PARD3B: variants seen among roughly 807,000 people sequenced by gnomAD.
PARD3B encodes partitioning defective 3 homolog B.
Under a neutral mutation model 130.2 loss-of-function variants are expected in PARD3B, and 103 were observed. The observed-to-expected ratio is 0.79, with a 90% CI of 0.67 to 0.93. The LOEUF (loss-of-function observed/expected upper bound fraction) is 0.93. Among genes scored for constraint, PARD3B ranks in the 40% least tolerant of loss-of-function variants. The probability of loss-of-function intolerance (pLI) is 0.00; values close to 1 mark genes in which losing one functional copy is unlikely to be tolerated. For synonymous variants in PARD3B, 583 were observed against 553.2 expected, an observed-to-expected ratio of 1.05 and a Z score of -0.76; for missense variants, 1,609 against 1,499.2, an observed-to-expected ratio of 1.07 and a Z score of -1.21.
At chr2:204,823,208 G>T (rs1010855635) in intron 2 of PARD3B, among the ~76,000 whole-genome samples, 1 of 151,984 alleles carries the variant, frequency 6.6e-6, no homozygotes, top group Non-Finnish European at 1.5e-5. Flanking sequence ...AAAGAAAAAG[G>T]GTGTGTGTTA....
intron 15 of PARD3B, among the ~76,000 whole-genome samples, chr2:205,216,286 C>T (rs1018253005): frequency 6.6e-5 from 10 of 152,058 alleles, no homozygotes; most frequent in Non-Finnish European, 1.0e-4. Flanking sequence ...TGTGGAAGTA[C>T]GTGTTATGAT....
intron 2 of PARD3B, among the ~76,000 whole-genome samples, chr2:204,856,285 TTTG>T (rs2044935218): frequency 6.6e-6 from 1 of 152,180 alleles, no homozygotes; most frequent in Non-Finnish European, 1.5e-5. Context: ...TTTGTATTTC[TTTG>T]ATGATTAGAG....
chr2:204,645,306 AAAAT>A (rs1438234451), intron 1 of PARD3B, among the ~76,000 whole-genome samples: 1 of 152,186 alleles, frequency 6.6e-6, no homozygotes, highest in African/African-American at 2.4e-5. Context: ...GAAAAAGAGA[AAAAT>A]AAAGTGTGTC....
At chr2:204,663,134 C>T (rs934748419) in intron 1 of PARD3B, among the ~76,000 whole-genome samples, 4 of 152,134 alleles carry the variant, frequency 2.6e-5, no homozygotes, top group Non-Finnish European at 4.4e-5. Flanking sequence ...TAGACATGAG[C>T]TTAATCCAAG....
intron 3 of PARD3B, among the ~76,000 whole-genome samples, chr2:204,981,287 T>G (rs1472795827): frequency 6.6e-6 from 1 of 152,104 alleles, no homozygotes; most frequent in Non-Finnish European, 1.5e-5. Flanking sequence ...AGCATCCCTA[T>G]TCATATCAAT....
intron 13 of PARD3B, among the ~76,000 whole-genome samples, chr2:205,178,005 C>G (rs1400379236): frequency 6.6e-6 from 1 of 151,478 alleles, no homozygotes; most frequent in Non-Finnish European, 1.5e-5. Context: ...CTGAGAATGC[C>G]CATTAGAAGC....
At chr2:205,393,180 A>G (rs2045916760) in intron 18 of PARD3B, among the ~76,000 whole-genome samples, 1 of 152,238 alleles carries the variant, frequency 6.6e-6, no homozygotes, top group Non-Finnish European at 1.5e-5. Flanking sequence ...AACCCAATTT[A>G]GAATACATCT....
intron 18 of PARD3B, among the ~76,000 whole-genome samples, chr2:205,399,702 G>A (rs548045884): frequency 9.9e-4 from 151 of 152,232 alleles, no homozygotes; most frequent in African/African-American, 2.6e-3. Flanking sequence ...TTTCCTAAAA[G>A]TACAAAACAT....
intron 4 of PARD3B, among the ~76,000 whole-genome samples, chr2:205,071,774 T>C (rs1240727575): frequency 6.6e-6 from 1 of 152,228 alleles, no homozygotes; most frequent in Non-Finnish European, 1.5e-5. Context: ...AAATAAATTA[T>C]TGTTATCCAG....
chr2:205,320,406 G>C (rs981037671), intron 18 of PARD3B, among the ~76,000 whole-genome samples: 2 of 152,150 alleles, frequency 1.3e-5, no homozygotes, highest in African/African-American at 4.8e-5. Context: ...AGTGAGCTCT[G>C]CTCTTCAGTT....
chr2:205,074,498 GA>G (rs577287815), intron 4 of PARD3B, among the ~76,000 whole-genome samples: 2 of 152,270 alleles, frequency 1.3e-5, no homozygotes, highest in South Asian at 2.1e-4. Context: ...CATTCAGAAT[GA>G]ACAACAACTT....
intron 16 of PARD3B, among the ~76,000 whole-genome samples, chr2:205,266,015 G>C (rs1210127738): frequency 6.6e-6 from 1 of 152,018 alleles, no homozygotes; most frequent in Non-Finnish European, 1.5e-5. Context: ...ATACTAAAAA[G>C]TTAAAATGTT....
chr2:204,911,303 G>A (rs965968370), intron 2 of PARD3B, among the ~76,000 whole-genome samples: 22 of 152,256 alleles, frequency 1.4e-4, no homozygotes, highest in African/African-American at 5.1e-4. Context: ...AATTCAATAC[G>A]ATAATGCTGT....
chr2:205,216,695 G>A (rs2037928131), intron 15 of PARD3B, among the ~76,000 whole-genome samples: 1 of 152,248 alleles, frequency 6.6e-6, no homozygotes, highest in East Asian at 1.9e-4. Context: ...TATTTATGGG[G>A]CAGAATGATG....
chr2:204,881,969 A>G (rs1257904624), intron 2 of PARD3B, among the ~76,000 whole-genome samples: 1 of 152,194 alleles, frequency 6.6e-6, no homozygotes. Context: ...GTCTGGAGAT[A>G]GCTGACACCC....
Position 205,366,913 on chromosome 2 carries a change from G to A in PARD3B, c.2631-34100G>A, listed in dbSNP as rs565268594. Among the ~76,000 whole-genome samples the A allele has an allele frequency of 4.6e-5, 7 of 152,292 alleles. No individual in the cohort carries two copies. The highest frequency in any genetic ancestry group is 1.9e-4 in the East Asian group (1 of 5,176). On this transcript the variant is annotated intron_variant, in intron 18 of 22. Coordinates refer to ENST00000406610, the MANE Select transcript of PARD3B (RefSeq NM_001302769.2). This position sits in a 1 kb window ranked among gnomAD's most constrained non-coding sequence, Gnocchi z 5.0. ...GCTGCCACAGATGTCCTAAGGGAGC[G>A]GAAGCTGAATCATCACACTTAGGTC...
Position 205,146,125 on chromosome 2 carries a change from G to C in PARD3B, c.1435-12597G>C, listed in dbSNP as rs1388931838. Among the ~76,000 whole-genome samples, 1 of 152,196 alleles carries C rather than the reference G, an allele frequency of 6.6e-6. No individual in the cohort carries two copies. Among genetic ancestry groups the C allele is most frequent in the Non-Finnish European group, 1.5e-5 (1 of 68,038 alleles). The stretch of plus-strand genomic sequence containing the variant: ...GGTGCAAGTCTCATCTGTGGATACA[G>C]CAGGCACCGTAGCCCATGTACTCAC... On this transcript the variant is annotated intron_variant, in intron 10 of 22. Coordinates refer to ENST00000406610, the MANE Select transcript of PARD3B (RefSeq NM_001302769.2). This position sits in a 1 kb window ranked among gnomAD's most constrained non-coding sequence, Gnocchi z 4.3.
chr2:204,762,863 C>T (rs139427860), intron 2 of PARD3B, among the ~76,000 whole-genome samples: 3 of 151,180 alleles, frequency 2.0e-5, no homozygotes, highest in South Asian at 2.1e-4. Flanking sequence ...CAGGTTCAAA[C>T]GATTCTCCTG....
intron 14 of PARD3B, among the ~76,000 whole-genome samples, chr2:205,191,133 A>AT (rs2036377583): frequency 6.6e-6 from 1 of 151,950 alleles, no homozygotes; most frequent in Non-Finnish European, 1.5e-5. Flanking sequence ...TTCTTGAGAA[A>AT]TTTTTATGAA....
Sources: allele counts gnomAD v4.1 joint callset (sites outside exome capture counted in the v4.1 genomes callset), GRCh38; gene constraint gnomAD v4.1.1; non-coding constraint Gnocchi (gnomAD v3.1); transcripts MANE v1.5; gene names NCBI Gene and HGNC (gene_info 2026-07-23, HGNC 2026-07-21).